CECR2: variants seen among roughly 807,000 people sequenced by gnomAD.
CECR2 encodes the protein CECR2 histone acetyl-lysine reader, also known as chromatin remodeling regulator CECR2.
In CECR2, 30 loss-of-function variants were observed where a neutral mutation model predicts 154.5. The ratio of observed to expected loss-of-function variants is 0.19; its 90% CI spans 0.15 to 0.26. The LOEUF (loss-of-function observed/expected upper bound fraction) is 0.26. Among genes scored for constraint, CECR2 ranks in the 10% least tolerant of loss-of-function variants. CECR2 has a pLI of 1.00. For synonymous variants in CECR2, 725 were observed against 683.7 expected (o/e 1.06, Z -0.94); for missense variants, 1,743 against 1,829.3 (o/e 0.95, Z 0.86).
At chr22:17,482,275 T>G (rs945149945) in intron 2 of CECR2, among the ~76,000 whole-genome samples, 3 of 136,154 alleles carry the variant, frequency 2.2e-5, no homozygotes, top group South Asian at 2.4e-4. Context: ...ATACAAAAAA[T>G]TAGCCGGGCG....
intron 1 of CECR2, among the ~76,000 whole-genome samples, chr22:17,393,384 C>A (rs2053760290): frequency 6.6e-6 from 1 of 152,188 alleles, no homozygotes; most frequent in Non-Finnish European, 1.5e-5. Flanking sequence ...TAAAGCTATA[C>A]ATTGTATATA....
chr22:17,383,377 T>A (rs2063222074), intron 1 of CECR2, among the ~76,000 whole-genome samples: 1 of 152,200 alleles, frequency 6.6e-6, no homozygotes, highest in Admixed American at 6.6e-5. Context: ...CAGTAAAACT[T>A]CTTTCAAAAT....
intron 1 of CECR2, among the ~76,000 whole-genome samples, chr22:17,411,587 A>T (rs1314637196): frequency 6.6e-6 from 1 of 152,232 alleles, no homozygotes; most frequent in Non-Finnish European, 1.5e-5. Flanking sequence ...GGTTAGGCAG[A>T]TCCTTAATAT....
intron 1 of CECR2, among the ~76,000 whole-genome samples, chr22:17,379,095 T>C (rs981492697): frequency 6.6e-6 from 1 of 152,110 alleles, no homozygotes; most frequent in African/African-American, 2.4e-5. Context: ...AAGCTGGTAT[T>C]ACAGGCGTGT....
chr22:17,503,468 T>C (rs1236174284), intron 6 of CECR2, among the ~76,000 whole-genome samples: 2 of 152,202 alleles, frequency 1.3e-5, no homozygotes, highest in African/African-American at 4.8e-5. Context: ...CCTTATAGGT[T>C]TACTACATAC....
At chr22:17,502,713 G>A (rs1314219188) in intron 5 of CECR2, among the ~76,000 whole-genome samples, 3 of 152,166 alleles carry the variant, frequency 2.0e-5, no homozygotes, top group Non-Finnish European at 4.4e-5. Flanking sequence ...TGAGGCAGGA[G>A]AATCATTTGA....
chr22:17,474,052 TG>T (rs113161001), intron 1 of CECR2, among the ~76,000 whole-genome samples: 9 of 151,780 alleles, frequency 5.9e-5, no homozygotes, highest in Non-Finnish European at 8.8e-5. Flanking sequence ...TGGTACTAAC[TG>T]GGGGGGGTTT....
intron 1 of CECR2, among the ~76,000 whole-genome samples, chr22:17,385,543 C>T (rs908944748): frequency 5.3e-5 from 8 of 152,164 alleles, no homozygotes; most frequent in African/African-American, 1.9e-4. Flanking sequence ...TATGTGGGCA[C>T]AATCCTTGGT....
chr22:17,422,211 G>GTTTTT (rs2054266051), intron 1 of CECR2, among the ~76,000 whole-genome samples: 1 of 150,948 alleles, frequency 6.6e-6, no homozygotes, highest in African/African-American at 2.4e-5. Flanking sequence ...TTTTGTTTTT[G>GTTTTT]TTTTGAGACG....
chr22:17,361,611 C>T (rs1436752138), intron 1 of CECR2, among the ~76,000 whole-genome samples: 1 of 151,826 alleles, frequency 6.6e-6, no homozygotes, highest in East Asian at 1.9e-4. Context: ...TGGTGGCGGG[C>T]ACCCATAATT....
intron 1 of CECR2, among the ~76,000 whole-genome samples, chr22:17,443,157 T>C (rs942628611): frequency 1.3e-5 from 2 of 152,172 alleles, no homozygotes; most frequent in African/African-American, 4.8e-5. Flanking sequence ...ACGAAACTTC[T>C]CAGCAGCCAT....
chr22:17,421,840 G>T (rs1037110945), intron 1 of CECR2, among the ~76,000 whole-genome samples: 3 of 143,940 alleles, frequency 2.1e-5, no homozygotes, highest in Non-Finnish European at 4.5e-5. Flanking sequence ...TGATAAAACC[G>T]CATCTCTACT....
chr22:17,371,151 A>G (rs1476914784), intron 1 of CECR2, among the ~76,000 whole-genome samples: 6 of 152,170 alleles, frequency 3.9e-5, no homozygotes, highest in Non-Finnish European at 7.3e-5. Flanking sequence ...GTTTGCTGAA[A>G]TATCAGTTGC....
chr22:17,395,783 T>C (rs561006593), intron 1 of CECR2, among the ~76,000 whole-genome samples: 1 of 152,306 alleles, frequency 6.6e-6, no homozygotes, highest in African/African-American at 2.4e-5. Flanking sequence ...TTTTTTCCCT[T>C]ATCACAAAAA....
intron 16 of CECR2, among the ~76,000 whole-genome samples, chr22:17,546,410 C>T (rs914809447): frequency 1.4e-5 from 2 of 145,490 alleles, no homozygotes; most frequent in South Asian, 2.1e-4. Flanking sequence ...GGCGTGAACC[C>T]GGGAGGCGGA....
chr22:17,463,938 A>G (rs982538507), intron 1 of CECR2, among the ~76,000 whole-genome samples: 1 of 152,202 alleles, frequency 6.6e-6, no homozygotes, highest in African/African-American at 2.4e-5. Flanking sequence ...GATGGAAAAG[A>G]AATAGCAGTG....
intron 1 of CECR2, among the ~76,000 whole-genome samples, chr22:17,363,435 C>T (rs2062986915): frequency 6.6e-6 from 1 of 152,122 alleles, no homozygotes; most frequent in Non-Finnish European, 1.5e-5. Flanking sequence ...GTCTCGAACT[C>T]CTGACCTTAT....
Position 17,538,715 on chromosome 22 carries a change from A to G in CECR2, c.1352A>G (p.Tyr451Cys). ...GTGGATGAATCTTATGCCCCTAACT[A>G]TTATCAGATTATTAAGGTAGAAGTT... Reference protein sequence around the residue: ...EPVDESYAPNYYQIIKAPMDI... With the variant: ...EPVDESYAPNCYQIIKAPMDI... The change falls in exon 12 of 19, where the codon TAT (tyrosine) becomes TGT (cysteine). Residue 451 changes from tyrosine (Y) to cysteine (C), a missense_variant. Physicochemically the swap from Tyr to Cys is radical, Grantham distance 194. This residue lies in a region of CECR2 where 103 missense variants were observed against 166.8 expected (regional missense o/e 0.62). Coordinates refer to ENST00000262608, the MANE Select transcript of CECR2 (RefSeq NM_001290047.2). The G allele has an allele frequency of 6.2e-7, 1 of 1,613,552 alleles. No homozygotes were observed. The highest frequency in any genetic ancestry group is 8.5e-7 in the Non-Finnish European group (1 of 1,179,526).
At chr22:17,393,406 T>C (rs1319583851) in intron 1 of CECR2, among the ~76,000 whole-genome samples, 1 of 151,184 alleles carries the variant, frequency 6.6e-6, no homozygotes, top group East Asian at 1.9e-4. Flanking sequence ...TAATTTTTAT[T>C]TTATTTACCC....
Sources: gnomAD v4.1 joint callset for allele counts (sites outside exome capture counted in the v4.1 genomes callset) on GRCh38, gnomAD v4.1.1 for gene constraint, gnomAD v4.1.1 regional missense constraint, MANE v1.5 for transcripts, NCBI Gene and HGNC (gene_info 2026-07-23, HGNC 2026-07-21) for gene names.